ATG16L2: variants seen among roughly 807,000 people sequenced by gnomAD.
ATG16L2 encodes the protein protein Atg16l2.
In ATG16L2, 77 loss-of-function variants were observed where a neutral mutation model predicts 84.7. The ratio of observed to expected loss-of-function variants is 0.91; its 90% CI spans 0.76 to 1.10. The LOEUF (loss-of-function observed/expected upper bound fraction) is 1.10. Ranked by LOEUF, ATG16L2 falls within the 50% of genes least tolerant of loss-of-function variation. The pLI is 0.00. For synonymous variants in ATG16L2, 361 were observed against 342.8 expected (o/e 1.05, Z -0.59); for missense variants, 782 against 817.6 (o/e 0.96, Z 0.53).
At chr11:72,833,406 T>C (rs1035274334), downstream of ATG16L2, among the ~76,000 whole-genome samples, 3 of 152,226 alleles carry the variant, frequency 2.0e-5, no homozygotes, top group African/African-American at 7.2e-5. Context: ...ATCTGCTTGT[T>C]CCTACTTTAC....
At chr11:72,838,367 A>G (rs1407514611) in intron 5 of ATG16L2, 1 of 165,740 alleles carries the variant, frequency 6.0e-6, no homozygotes, top group Non-Finnish European at 1.3e-5. Context: ...TCTCAATCAG[A>G]TGAGCAAAAG....
chr11:72,815,871 C>T (rs1173823053), intron 1 of ATG16L2: 1 of 152,204 alleles, frequency 6.6e-6, no homozygotes, highest in African/African-American at 2.4e-5. Context: ...GGAGGGTGTT[C>T]CAGGGTCAAA....
At chr11:72,839,309 A>G (rs989436372) in intron 5 of ATG16L2, among the ~76,000 whole-genome samples, 1 of 152,246 alleles carries the variant, frequency 6.6e-6, no homozygotes, top group African/African-American at 2.4e-5. Context: ...TGCTTTAAGA[A>G]GAAAAAAATA....
downstream of ATG16L2, chr11:72,829,774 G>C: frequency 5.5e-6 from 2 of 361,522 alleles, no homozygotes; most frequent in Non-Finnish European, 7.9e-6. Context: ...TGCAGAGACA[G>C]GTGCTGCTCA....
chr11:72,837,022 A>T (rs1185598310), intron 5 of ATG16L2: 3 of 152,340 alleles, frequency 2.0e-5, no homozygotes, highest in Admixed American at 6.5e-5. Flanking sequence ...TGGAAAACCC[A>T]AATTCAAGGA....
chr11:72,824,929 GA>G (rs1860253327), intron 9 of ATG16L2, 87 bp downstream of exon 9: 1 of 1,161,106 alleles, frequency 8.6e-7, no homozygotes, highest in Admixed American at 2.8e-5. Flanking sequence ...GTGGTCCCAA[GA>G]GGCCAGGGAA....
chr11:72,826,961 C>A, intron 13 of ATG16L2, 138 bp downstream of exon 13: 2 of 1,050,148 alleles, frequency 1.9e-6, no homozygotes, highest in Non-Finnish European at 2.8e-6. Flanking sequence ...CAAGGCCCTC[C>A]AATTCCCTAA....
At chr11:72,842,552 A>G (rs1860994171) in intron 5 of ATG16L2, 2 of 1,588,906 alleles carry the variant, frequency 1.3e-6, no homozygotes, top group African/African-American at 2.7e-5. Context: ...TTTTGTGTGG[A>G]TCCACAGACC....
chr11:72,842,507 G>T, intron 5 of ATG16L2: 1 of 1,274,296 alleles, frequency 7.8e-7, no homozygotes, highest in East Asian at 2.4e-5. Context: ...TGGCAACCAA[G>T]GACCGGTGAG....
chr11:72,841,519 C>T, intron 5 of ATG16L2: 2 of 1,610,840 alleles, frequency 1.2e-6, no homozygotes, highest in Non-Finnish European at 1.7e-6. Flanking sequence ...GTAGGGGCTG[C>T]TGGGAGGCTG....
chr11:72,817,934 T>C, intron 3 of ATG16L2, 79 bp downstream of exon 3: 1 of 1,252,242 alleles, frequency 8.0e-7, no homozygotes, highest in South Asian at 1.4e-5. Flanking sequence ...ACTCCTGTGT[T>C]TGCTGAATTC....
chr11:72,823,585 G>T, intron 7 of ATG16L2: 1 of 427,396 alleles, frequency 2.3e-6, no homozygotes, highest in South Asian at 1.7e-5. Flanking sequence ...TTGGGGCAGT[G>T]AAGAAACCGT....
chr11:72,814,562 C>G lies in ATG16L2; in HGVS notation c.117C>G (p.Ala39=), dbSNP rs1432972602. 1.9e-6 allele frequency: 3 copies of G among 1,571,268 alleles called. No individual in the cohort carries two copies. The Admixed American group carries it at 5.3e-5, about 28-fold the overall frequency. ...QKALFLELVP[A]YNHLLEKAEL... ...CGCTTTTCCTGGAGCTGGTGCCGGC[C>G]TGTGAGTGCGCCCCGGTGCTGAGAG... The change falls in exon 1 of 18, where the codon GCC becomes GCG. Residue 39 remains alanine, a splice_region_variant and synonymous_variant. Transcript: ENST00000321297.
intron 13 of ATG16L2, 39 bp from the exon 14 acceptor site, chr11:72,827,149 C>T: frequency 6.5e-7 from 1 of 1,542,046 alleles, no homozygotes; most frequent in Non-Finnish European, 9.0e-7. Context: ...TCCCGACAAC[C>T]CTCCTCTGAG....
intron 5 of ATG16L2, chr11:72,841,071 G>A (rs889331580): frequency 3.5e-5 from 27 of 781,352 alleles, no homozygotes; most frequent in Non-Finnish European, 4.3e-5. Flanking sequence ...GGGATACTGA[G>A]GCGGGAGGAT....
intron 5 of ATG16L2, chr11:72,841,591 A>G (rs1386338291): frequency 6.3e-7 from 1 of 1,596,530 alleles, no homozygotes; most frequent in Non-Finnish European, 8.5e-7. Flanking sequence ...GATCTGCAGC[A>G]AAGGGAAGCG....
At chr11:72,825,269 G>A (rs370849214) in intron 9 of ATG16L2, 33 bp from the exon 10 acceptor site, 1 of 1,570,318 alleles carries the variant, frequency 6.4e-7, no homozygotes, top group Non-Finnish European at 8.8e-7. Flanking sequence ...TGCGCGGGGA[G>A]GGCCGGGGCA....
At chr11:72,819,784 T>C (rs907200002) in intron 3 of ATG16L2, among the ~76,000 whole-genome samples, 4 of 152,178 alleles carry the variant, frequency 2.6e-5, no homozygotes, top group Non-Finnish European at 2.9e-5. Context: ...CTCACTCTGT[T>C]GCCCAGGCTG....
intron 14 of ATG16L2, 143 bp from the exon 15 acceptor site, chr11:72,828,216 T>C: frequency 3.6e-6 from 3 of 838,122 alleles, no homozygotes; most frequent in Non-Finnish European, 5.5e-6. Flanking sequence ...GATGAGTCAC[T>C]CGCAGCCTTT....
Sources: gnomAD v4.1 joint callset for allele counts (sites outside exome capture counted in the v4.1 genomes callset) on GRCh38, gnomAD v4.1.1 for gene constraint, MANE v1.5 for transcripts, NCBI Gene and HGNC (gene_info 2026-07-23, HGNC 2026-07-21) for gene names.